ZNF534: variants seen among roughly 807,000 people sequenced by gnomAD.
ZNF534 encodes KRAB domain only 3.
A neutral mutation model predicts 13.6 loss-of-function variants in ZNF534; 19 were observed. That is an observed-to-expected ratio of 1.40 (90% CI 0.97 to 2.05). ZNF534 has a LOEUF of 2.05. Among genes scored for constraint, ZNF534 ranks in the 30% most tolerant of loss-of-function variants. ZNF534 has a pLI of 0.00. For missense variants in ZNF534, 782 were observed against 796.3 expected (o/e 0.98, Z 0.22); for synonymous variants, 244 against 273.8 (o/e 0.89, Z 1.07).
downstream of ZNF534, among the ~76,000 whole-genome samples, chr19:52,444,143 G>A (rs2059186168): frequency 6.6e-6 from 1 of 151,996 alleles, no homozygotes; most frequent in Non-Finnish European, 1.5e-5. Flanking sequence ...TCAGAGGGCA[G>A]GTCTAGGGCT....
Position 52,441,877 on chromosome 19 carries a change from G to T in ZNF534, c.*2431G>T, listed in dbSNP as rs530173645. ...TGTTTTAGTCACAATTCACACCTTGGACAGCATCAGATAATTTATTCATGA... is the reference window on the plus strand; with the variant it reads ...TGTTTTAGTCACAATTCACACCTTGTACAGCATCAGATAATTTATTCATGA... On this transcript the variant is annotated 3_prime_UTR_variant, in exon 5 of 5. Coordinates refer to ENST00000433050, the MANE Select transcript of ZNF534 (RefSeq NM_001143938.3). Among the ~76,000 whole-genome samples the T allele has an allele frequency of 6.6e-6, 1 of 152,274 alleles. No homozygotes were observed. The highest frequency in any genetic ancestry group is 2.4e-5 in the African/African-American group (1 of 41,558).
At position 52,437,918 on chromosome 19, in the gene ZNF534, T is replaced by C. The variant is rs1428180; in HGVS notation, c.458T>C (p.Phe153Ser). ...GTTTCACCAGTTCAAATAAGTTTTT[T>C]CAGTGTCAAAACCCATATTTTTAAT... is the stretch of plus-strand genomic sequence containing the variant. ...SSVSPVQISF[F>S]SVKTHIFNNY... Residue 153 changes from phenylalanine to serine, a missense_variant, in exon 5 of 5, where the codon TTC becomes TCC. Phe to Ser is a radical substitution (Grantham distance 155). This residue lies in a region of ZNF534 where 591 missense variants were observed against 574.0 expected (regional missense o/e 1.03). Coordinates refer to ENST00000433050, the MANE Select transcript of ZNF534 (RefSeq NM_001143938.3). 0.94 allele frequency: 1,522,547 copies of C among 1,612,392 alleles called. 722,024 individuals carry two copies. Among genetic ancestry groups the C allele is most frequent in the Non-Finnish European group, 0.97 (1,141,804 of 1,179,260 alleles).
chr19:52,434,503 T>C (rs796872475), intron 3 of ZNF534, among the ~76,000 whole-genome samples: 6 of 148,256 alleles, frequency 4.0e-5, no homozygotes, highest in African/African-American at 1.5e-4. Flanking sequence ...AAAAGCATTA[T>C]GCTTTCTGAA....
At chr19:52,449,460 A>C (rs907167400) in intron 4 of ZNF534, among the ~76,000 whole-genome samples, 1 of 152,128 alleles carries the variant, frequency 6.6e-6, no homozygotes, top group South Asian at 2.1e-4. Flanking sequence ...ACTATTTTCC[A>C]TAATGGCTAT....
At chr19:52,448,788 C>G (rs2059202795) in intron 4 of ZNF534, among the ~76,000 whole-genome samples, 1 of 152,090 alleles carries the variant, frequency 6.6e-6, no homozygotes, top group Non-Finnish European at 1.5e-5. Context: ...TATTTTGATA[C>G]ACACATAAAA....
intron 4 of ZNF534, among the ~76,000 whole-genome samples, chr19:52,449,357 T>TCC (rs1263947721): frequency 6.7e-6 from 1 of 149,898 alleles, no homozygotes; most frequent in Non-Finnish European, 1.5e-5. Flanking sequence ...ATCCTCATTC[T>TCC]CTCTCTCTCT....
At chr19:52,443,209 C>T (rs750114537), downstream of ZNF534, among the ~76,000 whole-genome samples, 21 of 152,086 alleles carry the variant, frequency 1.4e-4, no homozygotes, top group African/African-American at 2.9e-4. Context: ...TGTTAATTTT[C>T]GATAACCTGA....
intron 4 of ZNF534, among the ~76,000 whole-genome samples, chr19:52,448,682 T>G (rs527733692): frequency 6.6e-6 from 1 of 152,328 alleles, no homozygotes; most frequent in South Asian, 2.1e-4. Context: ...AGCTCTAGTC[T>G]CTTAACTTTT....
chr19:52,442,904 C>T (rs1400723733), downstream of ZNF534, among the ~76,000 whole-genome samples: 1 of 152,114 alleles, frequency 6.6e-6, no homozygotes, highest in African/African-American at 2.4e-5. Flanking sequence ...CACGCTTATT[C>T]TTTTCTTGAG....
chr19:52,448,683 C>CT (rs1397184324), intron 4 of ZNF534, among the ~76,000 whole-genome samples: 1 of 152,138 alleles, frequency 6.6e-6, no homozygotes, highest in East Asian at 1.9e-4. Flanking sequence ...GCTCTAGTCT[C>CT]TTAACTTTTT....
At chr19:52,434,161 C>A (rs1215278401) in intron 3 of ZNF534, 80 bp downstream of exon 3, 2 of 1,550,828 alleles carry the variant, frequency 1.3e-6, no homozygotes, top group East Asian at 4.5e-5. Flanking sequence ...CTCTCGGGAG[C>A]CCCTGCATTG....
At position 52,438,385 on chromosome 19, in the gene ZNF534, G is replaced by C; in HGVS notation, c.925G>C (p.Val309Leu). ...KCSECGKAFS[V>L]CSSLTAHLVI... The stretch of plus-strand genomic sequence containing the variant: ...TAGTGAATGTGGCAAAGCATTTAGT[G>C]TGTGTTCCAGTCTTACTGCTCATCT... The change falls in exon 5 of 5, where the codon GTG becomes CTG. Residue 309 changes from valine to leucine, a missense_variant. By Grantham distance (32) the Val-to-Leu change is conservative. Coordinates refer to ENST00000433050, the MANE Select transcript of ZNF534 (RefSeq NM_001143938.3). 6.2e-7 allele frequency: 1 copy of C among 1,613,172 alleles called. No individual in the cohort carries two copies. Among genetic ancestry groups the C allele is most frequent in the African/African-American group, 1.3e-5 (1 of 74,902 alleles).
rs190295972 is a variant in ZNF534, at chr19:52,450,553, C to A, written c.272-634C>A. Among the ~76,000 whole-genome samples the A allele has an allele frequency of 2.3e-4, 35 of 152,014 alleles. No individual in the cohort carries two copies. The East Asian group carries it at 6.0e-3, about 26-fold the overall frequency. On this transcript the variant is annotated intron_variant, in intron 4 of 4. Coordinates refer to the ZNF534 transcript ENST00000301085. ...CCCAGTAGCAAGCTGTTTTGGATAC[C>A]ATTACTTTCTAGTATATTTTGAAGT...
intron 1 of ZNF534, among the ~76,000 whole-genome samples, chr19:52,429,751 A>G (rs1207985572): frequency 6.6e-6 from 1 of 151,746 alleles, no homozygotes; most frequent in Non-Finnish European, 1.5e-5. Flanking sequence ...ATACGCCACC[A>G]TGCCTCTCTA....
rs1323968751 is a variant in ZNF534 at position 52,438,979 on chromosome 19, T to C, written c.1519T>C (p.Ser507Pro). 2 of 1,604,420 alleles carry C rather than the reference T, an allele frequency of 1.2e-6. No homozygotes were observed. Among genetic ancestry groups the C allele is most frequent in the Non-Finnish European group, 1.7e-6 (2 of 1,174,930 alleles). ...ATGTGGCAAGGTCTTCCGTCAGAAT[T>C]CACACCTTGCACAACATAGGGATAT... is the stretch of plus-strand genomic sequence containing the variant. ...NECGKVFRQNSHLAQHRDIHT... is the reference protein window; with the variant it reads ...NECGKVFRQNPHLAQHRDIHT... The change falls in exon 5 of 5, where the codon TCA becomes CCA. Residue 507 changes from serine to proline, a missense_variant. Coordinates refer to ENST00000433050, the MANE Select transcript of ZNF534 (RefSeq NM_001143938.3).
At chr19:52,445,775 T>A (rs1271993221), downstream of ZNF534, among the ~76,000 whole-genome samples, 1 of 14,386 alleles carries the variant, frequency 7.0e-5, no homozygotes, top group Admixed American at 7.9e-4. Flanking sequence ...CACACACTAC[T>A]GTCCATCTGA....
chr19:52,432,056 T>C (rs543112226), intron 2 of ZNF534, among the ~76,000 whole-genome samples: 1 of 150,558 alleles, frequency 6.6e-6, no homozygotes, highest in East Asian at 1.9e-4. Context: ...ATGTCATCAT[T>C]ATATATATAT....
At chr19:52,433,850 C>A in intron 2 of ZNF534, 105 bp from the exon 3 acceptor site, 2 of 1,296,492 alleles carry the variant, frequency 1.5e-6, no homozygotes, top group Non-Finnish European at 2.2e-6. Flanking sequence ...GGATTTGGCG[C>A]AGTGCTCGCT....
At chr19:52,451,812 A>C in exon 5 of ZNF534, 1 of 733,530 alleles carries the variant, frequency 1.4e-6, no homozygotes, top group Non-Finnish European at 2.4e-6. Context: ...AAAAGTTTGA[A>C]GTCAAAAAAA....
Sources: gnomAD v4.1 joint callset for allele counts (sites outside exome capture counted in the v4.1 genomes callset) on GRCh38, gnomAD v4.1.1 for gene constraint, gnomAD v4.1.1 regional missense constraint, MANE v1.5 for transcripts, NCBI Gene and HGNC (gene_info 2026-07-23, HGNC 2026-07-21) for gene names.